CFAP77: variants seen among roughly 807,000 people sequenced by gnomAD.
CFAP77 encodes cilia and flagella associated protein 77.
Under a neutral mutation model 31.1 loss-of-function variants are expected in CFAP77, and 25 were observed. The observed-to-expected ratio is 0.80, with a 90% CI of 0.59 to 1.12. The LOEUF is 1.12. CFAP77 is among the 50% of genes most tolerant of loss of function. The probability of loss-of-function intolerance (pLI) is 0.00; values close to 1 mark genes in which losing one functional copy is unlikely to be tolerated. For missense variants in CFAP77, 377 were observed against 397.3 expected (o/e 0.95, Z 0.44); for synonymous variants, 151 against 159.9 (o/e 0.94, Z 0.42).
chr9:132,538,826 A>G (rs988176585), intron 4 of CFAP77, among the ~76,000 whole-genome samples: 1 of 151,438 alleles, frequency 6.6e-6, no homozygotes, highest in Non-Finnish European at 1.5e-5. Context: ...GGTGGCTCAC[A>G]CCTGTAATCC....
At chr9:132,512,093 T>C (rs1343402052) in intron 3 of CFAP77, among the ~76,000 whole-genome samples, 4 of 151,356 alleles carry the variant, frequency 2.6e-5, no homozygotes, top group Non-Finnish European at 5.9e-5. Context: ...CTTTCCTAGC[T>C]CTGGAAGCCG....
chr9:132,469,552 T>C (rs1851216211), intron 1 of CFAP77, among the ~76,000 whole-genome samples: 1 of 152,158 alleles, frequency 6.6e-6, no homozygotes, highest in African/African-American at 2.4e-5. Context: ...CGAGGGGACA[T>C]AGAGGCACAT....
intron 1 of CFAP77, among the ~76,000 whole-genome samples, chr9:132,491,583 C>T (rs995142174): frequency 4.6e-5 from 7 of 152,222 alleles, no homozygotes; most frequent in South Asian, 2.1e-4. Context: ...CCTGCACAGT[C>T]GTAGGAGGGG....
intron 1 of CFAP77, among the ~76,000 whole-genome samples, chr9:132,449,697 G>C (rs546486133): frequency 6.6e-6 from 1 of 152,282 alleles, no homozygotes; most frequent in East Asian, 1.9e-4. Flanking sequence ...CAAATACCCA[G>C]GAACGGGATT....
intron 3 of CFAP77, among the ~76,000 whole-genome samples, chr9:132,534,799 C>T (rs999302923): frequency 2.0e-5 from 3 of 152,106 alleles, no homozygotes; most frequent in Non-Finnish European, 4.4e-5. Flanking sequence ...CATATATATC[C>T]ATATGTCATA....
chr9:132,543,920 G>A (rs1303867204), intron 5 of CFAP77, among the ~76,000 whole-genome samples: 1 of 152,232 alleles, frequency 6.6e-6, no homozygotes, highest in African/African-American at 2.4e-5. Context: ...TTTGGGAACA[G>A]TGGCTTCAGG....
intron 1 of CFAP77, among the ~76,000 whole-genome samples, chr9:132,422,915 C>T (rs990748751): frequency 6.6e-6 from 1 of 152,188 alleles, no homozygotes; most frequent in African/African-American, 2.4e-5. Flanking sequence ...GATGGCAGGA[C>T]GTGTCCTTCC....
At chr9:132,491,293 C>A (rs1031017214) in intron 1 of CFAP77, among the ~76,000 whole-genome samples, 37 of 152,144 alleles carry the variant, frequency 2.4e-4, no homozygotes, top group Non-Finnish European at 7.4e-5. Flanking sequence ...CATGGAAAAA[C>A]CCCATCTCTA....
At chr9:132,518,854 T>C (rs1330497169) in intron 3 of CFAP77, among the ~76,000 whole-genome samples, 1 of 152,256 alleles carries the variant, frequency 6.6e-6, no homozygotes, top group Non-Finnish European at 1.5e-5. Context: ...ACACTGGCAT[T>C]GGCCCTTGGC....
At chr9:132,519,720 A>G (rs1852231386) in intron 3 of CFAP77, among the ~76,000 whole-genome samples, 2 of 103,162 alleles carry the variant, frequency 1.9e-5, no homozygotes, top group Admixed American at 1.9e-4. Context: ...GGGTAGATGG[A>G]TGAATGGATG....
At chr9:132,438,199 C>CAAAAAA (rs954482789) in intron 1 of CFAP77, among the ~76,000 whole-genome samples, 2 of 47,810 alleles carry the variant, frequency 4.2e-5, no homozygotes, top group African/African-American at 7.6e-5. Context: ...GAGACGCCAT[C>CAAAAAA]AAAAAAAAAA....
At chr9:132,411,801 G>T (rs1850008476) in intron 1 of CFAP77, among the ~76,000 whole-genome samples, 1 of 151,792 alleles carries the variant, frequency 6.6e-6, no homozygotes, top group South Asian at 2.1e-4. Context: ...GTAAAGTGAG[G>T]GCGTATGGAG....
chr9:132,547,880 C>T (rs956221046), intron 5 of CFAP77, among the ~76,000 whole-genome samples: 17 of 152,302 alleles, frequency 1.1e-4, no homozygotes, highest in African/African-American at 3.8e-4. Flanking sequence ...TCCAGACACC[C>T]CCACTTGCCC....
intron 1 of CFAP77, among the ~76,000 whole-genome samples, chr9:132,417,316 T>C (rs1220182910): frequency 1.3e-5 from 2 of 151,976 alleles, no homozygotes; most frequent in East Asian, 3.9e-4. Context: ...GCTTTCACCA[T>C]GTTGGCCAGG....
At chr9:132,519,465 TAGATGGATGGATGGATGA>T (rs1852212061) in intron 3 of CFAP77, among the ~76,000 whole-genome samples, 1 of 24,372 alleles carries the variant, frequency 4.1e-5, no homozygotes. Context: ...GGTGGGTGGG[TAGATGGATGGATGGATGA>T]GTGGGTGGGT....
At chr9:132,478,074 T>A (rs758559533) in intron 1 of CFAP77, among the ~76,000 whole-genome samples, 2 of 152,142 alleles carry the variant, frequency 1.3e-5, no homozygotes, top group Non-Finnish European at 2.9e-5. Context: ...ATGGTTTGGC[T>A]CTGTGTCCCC....
chr9:132,512,961 G>A (rs1324973218), intron 3 of CFAP77, among the ~76,000 whole-genome samples: 1 of 152,130 alleles, frequency 6.6e-6, no homozygotes, highest in Non-Finnish European at 1.5e-5. Context: ...TAAATAAATA[G>A]ATAGAGATGA....
chr9:132,535,395 G>A (rs1173904829), intron 3 of CFAP77, among the ~76,000 whole-genome samples: 1 of 152,118 alleles, frequency 6.6e-6, no homozygotes, highest in Non-Finnish European at 1.5e-5. Flanking sequence ...TTACGCTAGG[G>A]ATATTCTGCC....
intron 1 of CFAP77, among the ~76,000 whole-genome samples, chr9:132,463,294 T>C (rs962845453): frequency 1.3e-5 from 2 of 152,182 alleles, no homozygotes; most frequent in Admixed American, 6.5e-5. Context: ...TGCACATATA[T>C]ACAAACATGT....
Sources: gnomAD v4.1 joint callset for allele counts (sites outside exome capture counted in the v4.1 genomes callset) on GRCh38, gnomAD v4.1.1 for gene constraint, MANE v1.5 for transcripts, NCBI Gene and HGNC (gene_info 2026-07-23, HGNC 2026-07-21) for gene names.